The following SULT2B1 variants were observed in gnomAD, a reference collection of about 807,000 sequenced individuals.
SULT2B1 encodes sulfotransferase family 2B member 1.
In SULT2B1, 16 loss-of-function variants were observed where a neutral mutation model predicts 33.2. The observed-to-expected ratio is 0.48, with a 90% CI of 0.33 to 0.73. The LOEUF (loss-of-function observed/expected upper bound fraction) is 0.73, where lower values mean the gene tolerates loss of function less well. Among genes scored for constraint, SULT2B1 ranks in the 30% least tolerant of loss-of-function variants. SULT2B1 has a pLI of 0.02. For synonymous variants in SULT2B1, 186 were observed against 200.5 expected (o/e 0.93, Z 0.61); for missense variants, 500 against 506.0 (o/e 0.99, Z 0.11).
chr19:48,579,994 G>T (rs938579458), intron 2 of SULT2B1, among the ~76,000 whole-genome samples: 7 of 152,014 alleles, frequency 4.6e-5, no homozygotes, highest in South Asian at 2.1e-4. Flanking sequence ...TGCAGTCTCA[G>T]CTCACTGCAG....
intron 1 of SULT2B1, among the ~76,000 whole-genome samples, chr19:48,554,216 T>TC (rs1973064580): frequency 6.6e-6 from 1 of 151,174 alleles, no homozygotes. Context: ...AGCGTGCCTC[T>TC]CCCCAGCGAG....
At chr19:48,591,807 G>C (rs1228960547) in intron 4 of SULT2B1, 72 bp downstream of exon 4, 1 of 1,470,846 alleles carries the variant, frequency 6.8e-7, no homozygotes, top group Non-Finnish European at 9.0e-7. Flanking sequence ...CAGAGGGACA[G>C]AGGAGGGGTA....
chr19:48,565,759 G>A (rs746845061), intron 1 of SULT2B1, among the ~76,000 whole-genome samples: 1 of 114,086 alleles, frequency 8.8e-6, no homozygotes, highest in South Asian at 2.5e-4. Context: ...CTAGTTTTTT[G>A]TTTGTTTGTT....
At chr19:48,588,528 A>G (rs1601108694) in intron 3 of SULT2B1, among the ~76,000 whole-genome samples, 1 of 135,946 alleles carries the variant, frequency 7.4e-6, no homozygotes, top group Admixed American at 6.9e-5. Flanking sequence ...AAAAACCCCC[A>G]TATATTATAC....
At chr19:48,576,364 T>C (rs796954357) in intron 2 of SULT2B1, among the ~76,000 whole-genome samples, 391 of 56,038 alleles carry the variant, frequency 7.0e-3, no homozygotes, top group African/African-American at 1.0e-2. Flanking sequence ...CTTCTCTTTT[T>C]TTTTTTTTTT....
rs774594258 is a variant in SULT2B1, at chr19:48,556,204, G to A, written c.71+3881G>A. On this transcript the variant is annotated intron_variant, in intron 1 of 6. Transcript: ENST00000201586. The stretch of plus-strand genomic sequence containing the variant: ...GGGCAATTTAGGATTTTTGGCCAGG[G>A]GAATGAGAGAATGCAGGCAGACACC... 1.7e-4 allele frequency among the ~76,000 whole-genome samples: 26 copies of A among 152,252 alleles called. No individual in the cohort carries two copies. The East Asian group carries it at 1.7e-3, about 10-fold the overall frequency.
Position 48,565,357 on chromosome 19 carries a change from T to G in SULT2B1, c.72-10584T>G, listed in dbSNP as rs138189137. The stretch of plus-strand genomic sequence containing the variant: ...GGGGGTGTGTGTGTGTGTGTTTGTG[T>G]GTATGTGTGAGAGAGAGAGACAGAG... On this transcript the variant is annotated intron_variant, in intron 1 of 6. Coordinates refer to ENST00000201586, the MANE Select transcript of SULT2B1 (RefSeq NM_177973.2). Among the ~76,000 whole-genome samples, 158 of 151,876 alleles carry G rather than the reference T, an allele frequency of 1.0e-3. 4 individuals are homozygous for G. The East Asian group carries it at 0.03, about 29-fold the overall frequency.
intron 1 of SULT2B1, among the ~76,000 whole-genome samples, chr19:48,566,845 A>G (rs1973249635): frequency 6.6e-6 from 1 of 151,962 alleles, no homozygotes; most frequent in Non-Finnish European, 1.5e-5. Context: ...CTGTCAAAAA[A>G]AAAAAAAATT....
intron 1 of SULT2B1, among the ~76,000 whole-genome samples, chr19:48,558,582 G>A (rs969288281): frequency 6.6e-6 from 1 of 152,032 alleles, no homozygotes; most frequent in African/African-American, 2.4e-5. Flanking sequence ...TTACAACCCC[G>A]GCCCCACCTT....
chr19:48,553,138 C>T (rs1170397658), intron 1 of SULT2B1, among the ~76,000 whole-genome samples: 1 of 152,064 alleles, frequency 6.6e-6, no homozygotes, highest in African/African-American at 2.4e-5. Context: ...GGGCAGGCAG[C>T]CTGCCCCAGA....
intron 1 of SULT2B1, among the ~76,000 whole-genome samples, chr19:48,567,853 C>T (rs557512462): frequency 6.6e-6 from 1 of 151,746 alleles, no homozygotes; most frequent in South Asian, 2.1e-4. Flanking sequence ...GCCTGTAGTC[C>T]CAGCTACTCA....
intron 1 of SULT2B1, among the ~76,000 whole-genome samples, chr19:48,554,175 C>T (rs755287805): frequency 9.9e-5 from 15 of 152,064 alleles, no homozygotes; most frequent in Non-Finnish European, 1.9e-4. Flanking sequence ...CCTCAAACTT[C>T]CAGGCACTTC....
chr19:48,565,412 C>T (rs954898359), intron 1 of SULT2B1, among the ~76,000 whole-genome samples: 6 of 151,834 alleles, frequency 4.0e-5, no homozygotes, highest in African/African-American at 1.5e-4. Context: ...TGGAATCTCC[C>T]TCTGTCACCT....
intron 1 of SULT2B1, among the ~76,000 whole-genome samples, chr19:48,561,763 C>A (rs1433899323): frequency 6.6e-6 from 1 of 152,138 alleles, no homozygotes; most frequent in African/African-American, 2.4e-5. Flanking sequence ...GTGTGTTCCC[C>A]ATCAGGCAGA....
chr19:48,577,774 G>A (rs1414834701), intron 2 of SULT2B1, among the ~76,000 whole-genome samples: 3 of 152,164 alleles, frequency 2.0e-5, no homozygotes, highest in Admixed American at 6.6e-5. Flanking sequence ...GTGCCAGGCA[G>A]TGTTCTAAGT....
At chr19:48,556,549 G>C (rs1406552303) in intron 1 of SULT2B1, among the ~76,000 whole-genome samples, 1 of 152,040 alleles carries the variant, frequency 6.6e-6, no homozygotes, top group Non-Finnish European at 1.5e-5. Flanking sequence ...ACTCCCCGTG[G>C]TGGGCCATCC....
At chr19:48,579,773 A>ATTAAAAAAACT in intron 2 of SULT2B1, among the ~76,000 whole-genome samples, 1 of 146,186 alleles carries the variant, frequency 6.8e-6, no homozygotes, top group South Asian at 2.2e-4. Flanking sequence ...CGCCCAGCTA[A>ATTAAAAAAACT]TTTTTGTATT....
At chr19:48,589,348 G>C (rs1030764693) in intron 3 of SULT2B1, among the ~76,000 whole-genome samples, 2 of 152,134 alleles carry the variant, frequency 1.3e-5, no homozygotes, top group Admixed American at 1.3e-4. Context: ...AGGAAGACAC[G>C]GGCTCTGCGG....
intron 5 of SULT2B1, among the ~76,000 whole-genome samples, chr19:48,595,592 C>T (rs201222555): frequency 1.3e-5 from 2 of 151,210 alleles, no homozygotes; most frequent in South Asian, 4.2e-4. Context: ...AATGGTGAGT[C>T]CCAGAAGGAG....
Sources: gnomAD v4.1 joint callset for allele counts (sites outside exome capture counted in the v4.1 genomes callset) on GRCh38, gnomAD v4.1.1 for gene constraint, MANE v1.5 for transcripts, NCBI Gene and HGNC (gene_info 2026-07-23, HGNC 2026-07-21) for gene names.